The following NLGN1 variants were observed in gnomAD, a reference collection of about 807,000 sequenced individuals.
The protein encoded by NLGN1 is neuroligin 1, also known as neuroligin-1.
NLGN1 carries 12 observed loss-of-function variants against 65.5 expected under a neutral mutation model. The ratio of observed to expected loss-of-function variants is 0.18; its 90% CI spans 0.12 to 0.30. NLGN1 has a LOEUF of 0.30. Among genes scored for constraint, NLGN1 ranks in the 10% least tolerant of loss-of-function variants. NLGN1 has a pLI of 1.00. For missense variants in NLGN1, 750 were observed against 1,007.1 expected, an observed-to-expected ratio of 0.74 and a Z score of 3.46; for synonymous variants, 350 against 359.5, an observed-to-expected ratio of 0.97 and a Z score of 0.30.
chr3:173,846,711 T>C (rs1481370324), intron 4 of NLGN1, among the ~76,000 whole-genome samples: 3 of 152,162 alleles, frequency 2.0e-5, no homozygotes, highest in Admixed American at 2.0e-4. Context: ...AATCGAGATA[T>C]GGAAAGATTA....
At chr3:173,510,981 G>A (rs963300113) in intron 2 of NLGN1, among the ~76,000 whole-genome samples, 1 of 152,082 alleles carries the variant, frequency 6.6e-6, no homozygotes, top group African/African-American at 2.4e-5. Context: ...ATTCTAGCAC[G>A]GACAAATGTT....
At chr3:173,541,621 A>G (rs190184031) in intron 2 of NLGN1, among the ~76,000 whole-genome samples, 43 of 152,274 alleles carry the variant, frequency 2.8e-4, no homozygotes, top group African/African-American at 9.9e-4. Context: ...GTAAGAAAGG[A>G]AACAGAAGTG....
At chr3:173,541,226 A>G (rs948574119) in intron 2 of NLGN1, among the ~76,000 whole-genome samples, 2 of 152,168 alleles carry the variant, frequency 1.3e-5, no homozygotes, top group East Asian at 1.9e-4. Context: ...CACTAAAAGT[A>G]TTTTCCTTAT....
intron 4 of NLGN1, among the ~76,000 whole-genome samples, chr3:174,146,162 T>A (rs1319049193): frequency 6.6e-6 from 1 of 151,486 alleles, no homozygotes; most frequent in East Asian, 1.9e-4. Context: ...CCTCTCTCCC[T>A]CCCTCCCTTC....
intron 4 of NLGN1, among the ~76,000 whole-genome samples, chr3:174,118,273 C>T (rs1430766184): frequency 6.6e-6 from 1 of 152,052 alleles, no homozygotes; most frequent in Non-Finnish European, 1.5e-5. Flanking sequence ...ACCTCTTTAT[C>T]TAGTGGAAGA....
intron 4 of NLGN1, among the ~76,000 whole-genome samples, chr3:174,015,475 C>T (rs1726366739): frequency 6.6e-6 from 1 of 152,058 alleles, no homozygotes; most frequent in African/African-American, 2.4e-5. Flanking sequence ...GACACTAATC[C>T]TCTCATGAGG....
At chr3:174,269,689 C>A (rs922503017) in intron 4 of NLGN1, among the ~76,000 whole-genome samples, 1 of 151,866 alleles carries the variant, frequency 6.6e-6, no homozygotes, top group Non-Finnish European at 1.5e-5. Flanking sequence ...GCTTTGAATT[C>A]TTTTGTATAT....
chr3:174,235,516 T>A (rs576492016), intron 4 of NLGN1, among the ~76,000 whole-genome samples: 131 of 152,294 alleles, frequency 8.6e-4, no homozygotes, highest in African/African-American at 2.9e-3. Context: ...GTACATGTCA[T>A]CCAGTGATTT....
chr3:173,429,865 C>T (rs1258465905), intron 1 of NLGN1, among the ~76,000 whole-genome samples: 1 of 152,186 alleles, frequency 6.6e-6, no homozygotes, highest in East Asian at 1.9e-4. Flanking sequence ...CCTGAAGTAC[C>T]TCCCCTAAAG....
chr3:173,452,202 C>CTTTTTTTTTTTTTT (rs572500549), intron 2 of NLGN1, among the ~76,000 whole-genome samples: 1 of 146,576 alleles, frequency 6.8e-6, no homozygotes, highest in African/African-American at 2.5e-5. Context: ...TCTTGGCTTC[C>CTTTTTTTTTTTTTT]TTTTTTTTTT....
chr3:174,118,303 T>A (rs981920879), intron 4 of NLGN1, among the ~76,000 whole-genome samples: 7 of 152,178 alleles, frequency 4.6e-5, no homozygotes, highest in Admixed American at 1.3e-4. Flanking sequence ...TGCTTCAGCG[T>A]CAGAGCTCTC....
intron 3 of NLGN1, among the ~76,000 whole-genome samples, chr3:173,734,248 T>G (rs1447885422): frequency 6.6e-6 from 1 of 151,978 alleles, no homozygotes; most frequent in Non-Finnish European, 1.5e-5. Flanking sequence ...TAGAGCCTAA[T>G]TTATTTGGCT....
intron 4 of NLGN1, among the ~76,000 whole-genome samples, chr3:173,951,203 CTT>C (rs1748138730): frequency 6.6e-6 from 1 of 152,012 alleles, no homozygotes; most frequent in African/African-American, 2.4e-5. Flanking sequence ...TAGCACAACT[CTT>C]TTTCCACCTA....
In NLGN1 at chr3:173,994,039, A is replaced by G. The variant is rs144745792; in HGVS notation, c.646+186207A>G. Among the ~76,000 whole-genome samples the G allele has an allele frequency of 9.1e-4, 138 of 152,256 alleles. 1 individual carries two copies. In the East Asian group the frequency reaches 0.023, roughly 26 times the overall value. On this transcript the variant is annotated intron_variant, in intron 4 of 6. Transcript: ENST00000457714. ...GATCAATCAATATAAGTAGATTGCCATAAAGGATTTTGAATGTTTAACTTT... is the reference window on the plus strand; with the variant it reads ...GATCAATCAATATAAGTAGATTGCCGTAAAGGATTTTGAATGTTTAACTTT...
chr3:173,553,521 A>G (rs961054669), intron 2 of NLGN1, among the ~76,000 whole-genome samples: 2 of 152,194 alleles, frequency 1.3e-5, no homozygotes, highest in Non-Finnish European at 2.9e-5. Flanking sequence ...GGTTTACCCA[A>G]TATCTGTCAT....
chr3:174,002,070 A>T (rs1723410603), intron 4 of NLGN1, among the ~76,000 whole-genome samples: 1 of 151,860 alleles, frequency 6.6e-6, no homozygotes, highest in African/African-American at 2.4e-5. Context: ...AAAAAAAAAA[A>T]ACAAGATTAG....
At chr3:173,790,474 C>A (rs1712452561) in intron 3 of NLGN1, among the ~76,000 whole-genome samples, 1 of 152,038 alleles carries the variant, frequency 6.6e-6, no homozygotes, top group Non-Finnish European at 1.5e-5. Context: ...AGGCATTATA[C>A]TAGGTATTTC....
intron 4 of NLGN1, among the ~76,000 whole-genome samples, chr3:173,883,899 C>A (rs1733821789): frequency 6.9e-6 from 1 of 144,186 alleles, no homozygotes; most frequent in East Asian, 2.1e-4. Context: ...AATAGAGACA[C>A]AATCACACTG....
Position 173,679,347 on chromosome 3 carries a change from A to G in NLGN1, c.493+74256A>G, listed in dbSNP as rs898242714. ...TCCAGGATTTCAGAAAAGATAAAGG[A>G]ATGAAGGAGCTGAAATAGCGTAAAG... On this transcript the variant is annotated intron_variant, in intron 3 of 6. Coordinates refer to ENST00000457714, the Ensembl canonical transcript of NLGN1. 2.0e-5 allele frequency among the ~76,000 whole-genome samples: 3 copies of G among 152,030 alleles called. No homozygotes were observed. In the East Asian group the frequency reaches 5.8e-4, roughly 29 times the overall value.
Sources: gnomAD v4.1 joint callset for allele counts (sites outside exome capture counted in the v4.1 genomes callset) on GRCh38, gnomAD v4.1.1 for gene constraint, MANE v1.5 for transcripts, NCBI Gene and HGNC (gene_info 2026-07-23, HGNC 2026-07-21) for gene names.